PTPRU: variants seen among roughly 807,000 people sequenced by gnomAD.
The protein encoded by PTPRU is receptor-type tyrosine-protein phosphatase U.
Under a neutral mutation model 166.3 loss-of-function variants are expected in PTPRU, and 69 were observed. That is an observed-to-expected ratio of 0.41 (90% CI 0.34 to 0.51). PTPRU has a LOEUF of 0.51. PTPRU is among the 20% of genes least tolerant of loss of function. PTPRU has a pLI of 0.09. For synonymous variants in PTPRU, 793 were observed against 814.0 expected (o/e 0.97, Z 0.44); for missense variants, 1,657 against 2,013.7 (o/e 0.82, Z 3.39).
At chr1:29,305,473 C>T in intron 18 of PTPRU, 45 bp downstream of exon 18, 1 of 1,574,030 alleles carries the variant, frequency 6.4e-7, no homozygotes, top group Non-Finnish European at 8.7e-7. Context: ...GCCCTGCCCG[C>T]TCCAGGCTTA....
chr1:29,309,369 C>T, intron 18 of PTPRU, among the ~76,000 whole-genome samples: 1 of 152,268 alleles, frequency 6.6e-6, no homozygotes, highest in East Asian at 1.9e-4. Context: ...TCTCAGCGCT[C>T]AGAGTTACAC....
rs77846932 is a variant in PTPRU at position 29,260,646 on chromosome 1, G to A, written c.887G>A (p.Arg296His). The A allele has an allele frequency of 1.2e-4, 183 of 1,518,754 alleles. 1 individual carries two copies. The African/African-American group carries it at 2.3e-3, about 19-fold the overall frequency. The allele number at this position is 1,518,754 out of a possible 1,614,324, so 94.1% of individuals were successfully genotyped here. Residue 296 changes from arginine to histidine, a missense_variant, in exon 7 of 30, where the codon CGT becomes CAT. Around this residue, in one of 3 missense-constraint regions of PTPRU, gnomAD observed 453 missense variants for 496.9 expected, o/e 0.91. Transcript: ENST00000373779. This position sits in a 1 kb window ranked among gnomAD's most constrained non-coding sequence, Gnocchi z 8.3. ...PTPIAPPQLL[R>H]AGPTYLIIQL... ...CCCATCGCGCCCCCACAGCTGCTGC[G>A]TGCTGGCCCCACCTACCTCATCATC...
At position 29,282,868 on chromosome 1, in the gene PTPRU, C is replaced by G. The variant is rs1425451005; in HGVS notation, c.2061C>G (p.Thr687=). ...AMPFTVGDNQ[T]YRGFWNPPLE... is the part of the protein sequence containing the mutation. ...CCTTTACCGTGGGTGACAACCAGACCTACCGAGGCTTCTGGAACCCACCAC... is the reference window on the plus strand; with the variant it reads ...CCTTTACCGTGGGTGACAACCAGACGTACCGAGGCTTCTGGAACCCACCAC... The change falls in exon 12 of 30, where the codon ACC becomes ACG. Residue 687 remains threonine (T), a synonymous_variant. Coordinates refer to ENST00000373779, the MANE Select transcript of PTPRU (RefSeq NM_133178.4). 6.2e-7 allele frequency: 1 copy of G among 1,614,150 alleles called. No homozygotes were observed. The highest frequency in any genetic ancestry group is 1.1e-5 in the South Asian group (1 of 91,082).
Position 29,280,649 on chromosome 1 carries a change from C to G in PTPRU, c.1868+508C>G, listed in dbSNP as rs1007294194. On this transcript the variant is annotated intron_variant, in intron 11 of 29. Coordinates refer to ENST00000373779, the MANE Select transcript of PTPRU (RefSeq NM_133178.4). This position sits in a 1 kb window ranked among gnomAD's most constrained non-coding sequence, Gnocchi z 4.2. ...TGGGGAGAGGGTGCTGGAGACAAGA[C>G]TGTGTGTGTGTGTGTGTGTGTGTGT... is the stretch of plus-strand genomic sequence containing the variant. Among the ~76,000 whole-genome samples the G allele has an allele frequency of 6.9e-6, 1 of 144,002 alleles. No individual in the cohort carries two copies. The highest frequency in any genetic ancestry group is 1.5e-5 in the Non-Finnish European group (1 of 65,358). 94.5% of individuals were successfully genotyped at this position (144,002 alleles called of 152,430 possible).
Position 29,280,120 on chromosome 1 carries a change from A to G in PTPRU, c.1847A>G (p.Gln616Arg). 6.2e-7 allele frequency: 1 copy of G among 1,613,098 alleles called. No individual in the cohort carries two copies. The highest frequency in any genetic ancestry group is 8.5e-7 in the Non-Finnish European group (1 of 1,179,746). Residue 616 changes from glutamine to arginine, a missense_variant, in exon 11 of 30, where the codon CAG becomes CGG. This residue lies in a region of PTPRU where 1,190 missense variants were observed against 1,477.4 expected (regional missense o/e 0.81). Transcript: ENST00000373779. This position sits in a 1 kb window ranked among gnomAD's most constrained non-coding sequence, Gnocchi z 4.2. ...ATCACCGTGCTGCTGAGGCCGGCAC[A>G]GGGCCGCGGTGCGCCCATCAGGTGG... ...NTITVLLRPA[Q>R]GRGAPISVYQ...
rs771889225 is a variant in PTPRU at position 29,305,398 on chromosome 1, T to C, written c.2790T>C (p.Asn930=). 2.5e-6 allele frequency: 4 copies of C among 1,613,844 alleles called. No individual in the cohort carries two copies. Among genetic ancestry groups the C allele is most frequent in the Non-Finnish European group, 3.4e-6 (4 of 1,180,020 alleles). The change falls in exon 18 of 30, where the codon AAT becomes AAC. Residue 930 remains asparagine, a synonymous_variant. Transcript: ENST00000373779. ...TGCACCCGATGCTGGGAGACCCCAA[T>C]GCCGACTACATTAATGCCAACTACA... The part of the protein sequence containing the change: ...VKLHPMLGDP[N]ADYINANYID...
chr1:29,303,502 G>A (rs1215619213), intron 15 of PTPRU, among the ~76,000 whole-genome samples: 2 of 152,256 alleles, frequency 1.3e-5, no homozygotes, highest in Non-Finnish European at 1.5e-5. Flanking sequence ...AAGAGGGGGA[G>A]GAAGAAGCAG....
chr1:29,284,022 C>A (rs999156479), intron 13 of PTPRU, 46 bp downstream of exon 13: 2 of 1,609,024 alleles, frequency 1.2e-6, no homozygotes, highest in Non-Finnish European at 1.7e-6. Context: ...AGGTTTCTCA[C>A]CTGCCCAGCG....
rs1289140712 is a variant in PTPRU at position 29,316,095 on chromosome 1, G to A, written c.3457G>A (p.Glu1153Lys). ...CAGTGAGTTCAAGGCCACCTACAAG[G>A]AGATGATCCGCATTGATCCTCAGAG... ...PVSEFKATYK[E>K]MIRIDPQSNS... Residue 1153 changes from glutamate to lysine, a missense_variant, in exon 24 of 30, where the codon GAG becomes AAG. Glu to Lys is a moderately conservative substitution (Grantham distance 56). This residue lies in a region of PTPRU where 1,190 missense variants were observed against 1,477.4 expected (regional missense o/e 0.81). Coordinates refer to ENST00000373779, the MANE Select transcript of PTPRU (RefSeq NM_133178.4). 1 of 1,614,204 alleles carries A rather than the reference G, an allele frequency of 6.2e-7. No individual in the cohort carries two copies. Among genetic ancestry groups the A allele is most frequent in the Non-Finnish European group, 8.5e-7 (1 of 1,180,038 alleles).
In PTPRU at chr1:29,320,530, C is replaced by A; in HGVS notation, c.3688-155C>A. 1.2e-6 allele frequency: 1 copy of A among 860,688 alleles called. No individual in the cohort carries two copies. Among genetic ancestry groups the A allele is most frequent in the Non-Finnish European group, 1.6e-6 (1 of 610,060 alleles). 53.3% of individuals were successfully genotyped at this position (860,688 alleles called of 1,614,324 possible). On this transcript the variant is annotated intron_variant, in intron 25 of 29. Transcript: ENST00000373779. The surrounding 1 kb of genome is among the most constrained non-coding windows in gnomAD (Gnocchi z 5.2). ...GTCAACCCAGGCCTCAGTGTGCCAA[C>A]CAACATCAGAAATGGCCCACTGGAG...
intron 18 of PTPRU, among the ~76,000 whole-genome samples, chr1:29,308,801 A>C (rs1047055748): frequency 6.6e-6 from 1 of 151,470 alleles, no homozygotes; most frequent in Non-Finnish European, 1.5e-5. Flanking sequence ...AGGCGGGAGG[A>C]TTGCTTGAGC....
Position 29,246,237 on chromosome 1 carries a change from G to A in PTPRU, c.74-9038G>A, listed in dbSNP as rs1461325990. 3.3e-5 allele frequency among the ~76,000 whole-genome samples: 5 copies of A among 152,244 alleles called. No individual in the cohort carries two copies. The East Asian group carries it at 9.6e-4, about 29-fold the overall frequency. ...TGCACTGCACCACTGCTGCTGAAAC[G>A]CTGCCCCTATGGTGTCCTGGCCTTT... On this transcript the variant is annotated intron_variant, in intron 1 of 29. Transcript: ENST00000373779.
At chr1:29,307,749 CTTTTTTTTTTTTTT>C (rs201782011) in intron 18 of PTPRU, among the ~76,000 whole-genome samples, 3 of 117,336 alleles carry the variant, frequency 2.6e-5, no homozygotes, top group East Asian at 4.5e-4. Context: ...AAATATTATG[CTTTTTTTTTTTTTT>C]TTTTTTTTTT....
In PTPRU at chr1:29,259,932, G is replaced by A. The variant is rs984027835; in HGVS notation, c.738G>A (p.Leu246=). Residue 246 remains leucine (L), a synonymous_variant, in exon 6 of 30, where the codon CTG becomes CTA. Coordinates refer to ENST00000373779, the MANE Select transcript of PTPRU (RefSeq NM_133178.4). The stretch of plus-strand genomic sequence containing the variant: ...GGCACATCAGCCACCGGCGCTTCCT[G>A]GCCACTTTCCCGCTGGCTGCCGTGA... ...GVRHISHRRF[L]ATFPLAAVSR... 2 of 1,535,640 alleles carry A rather than the reference G, an allele frequency of 1.3e-6. No homozygotes were observed. The highest frequency in any genetic ancestry group is 8.7e-7 in the Non-Finnish European group (1 of 1,147,182).
At chr1:29,309,557 A>C (rs1388950657) in intron 18 of PTPRU, among the ~76,000 whole-genome samples, 1 of 152,232 alleles carries the variant, frequency 6.6e-6, no homozygotes, top group East Asian at 1.9e-4. Context: ...AGTAGTAATA[A>C]TAATGGCTAT....
chr1:29,269,180 GC>G (rs1410577968), intron 7 of PTPRU, among the ~76,000 whole-genome samples: 10 of 140,846 alleles, frequency 7.1e-5, no homozygotes, highest in Non-Finnish European at 6.0e-5. Flanking sequence ...AGCAGCTGGG[GC>G]TACAGGCTTG....
chr1:29,315,910 C>G lies in PTPRU; in HGVS notation c.3364-92C>G, dbSNP rs185171286. On this transcript the variant is annotated intron_variant, in intron 23 of 29. Coordinates refer to ENST00000373779, the MANE Select transcript of PTPRU (RefSeq NM_133178.4). The surrounding 1 kb of genome is among the most constrained non-coding windows in gnomAD (Gnocchi z 4.5). ...ATGGTTGGCCTCCACCTCAGGACAC[C>G]CTGCTTCAACCTTGAGCTTGCTTAA... 5 of 1,481,368 alleles carry G rather than the reference C, an allele frequency of 3.4e-6. No homozygotes were observed. In the East Asian group the frequency reaches 7.0e-5, roughly 21 times the overall value. 91.8% of individuals were successfully genotyped at this position (1,481,368 alleles called of 1,614,324 possible).
chr1:29,323,893 C>T (rs925939532), intron 28 of PTPRU, 105 bp downstream of exon 28: 111 of 1,361,706 alleles, frequency 8.2e-5, no homozygotes, highest in South Asian at 3.3e-4. Context: ...AAGCTGGCAC[C>T]GAAACCCCTG....
At chr1:29,316,315 G>A (rs1177777516) in intron 24 of PTPRU, among the ~76,000 whole-genome samples, 164 bp downstream of exon 24, 1 of 152,138 alleles carries the variant, frequency 6.6e-6, no homozygotes, top group Non-Finnish European at 1.5e-5. Context: ...TTGGGACAGC[G>A]GAAGATGGGG....
Sources: gnomAD v4.1 joint callset for allele counts (sites outside exome capture counted in the v4.1 genomes callset) on GRCh38, gnomAD v4.1.1 for gene constraint, gnomAD v4.1.1 regional missense constraint, Gnocchi (gnomAD v3.1) non-coding constraint, MANE v1.5 for transcripts, NCBI Gene and HGNC (gene_info 2026-07-23, HGNC 2026-07-21) for gene names.